The following PPFIA3 variants were observed in gnomAD, a reference collection of about 807,000 sequenced individuals.
PPFIA3 encodes the protein PPFI scaffold protein A3, also known as liprin-alpha-3.
A neutral mutation model predicts 145.8 loss-of-function variants in PPFIA3; 26 were observed. That is an observed-to-expected ratio of 0.18 (90% CI 0.13 to 0.25). The LOEUF (loss-of-function observed/expected upper bound fraction) is 0.25, where lower values mean the gene tolerates loss of function less well. Among genes scored for constraint, PPFIA3 ranks in the 10% least tolerant of loss-of-function variants. The pLI is 1.00. For missense variants in PPFIA3, 1,008 were observed against 1,587.8 expected, an observed-to-expected ratio of 0.63 and a Z score of 6.21; for synonymous variants, 645 against 661.4, an observed-to-expected ratio of 0.98 and a Z score of 0.38.
chr19:49,129,118 T>C (rs2041038622), intron 4 of PPFIA3, 106 bp downstream of exon 4: 1 of 1,264,546 alleles, frequency 7.9e-7, no homozygotes, highest in Admixed American at 2.6e-5. Context: ...ATGTTCTGAG[T>C]TGGAAGAATG....
chr19:49,136,749 G>A lies in PPFIA3; in HGVS notation c.1691G>A (p.Gly564Asp). ...GATTGGGAGCGGTCTGCCCCTGCGG[G>A]CTCCATACCACCCCCATTCCCTGGG... is the stretch of plus-strand genomic sequence containing the variant. ...SKDWERSAPA[G>D]SIPPPFPGEL... Residue 564 changes from glycine (G) to aspartate (D), a missense_variant, in exon 15 of 30, where the codon GGC becomes GAC. Physicochemically the swap from Gly to Asp is moderately conservative, Grantham distance 94. Coordinates refer to ENST00000334186, the MANE Select transcript of PPFIA3 (RefSeq NM_003660.4). 6.4e-7 allele frequency: 1 copy of A among 1,561,696 alleles called. No homozygotes were observed. Among genetic ancestry groups the A allele is most frequent in the East Asian group, 2.3e-5 (1 of 43,560 alleles).
rs1436077040 is a variant in PPFIA3 at position 49,120,311 on chromosome 19, C to G, written c.-16+589C>G. ...GCCGCGCCTTTGACCCGGGAATACC[C>G]GGGCCCTCCCCGACCAGGGCGCCCC... is the stretch of plus-strand genomic sequence containing the variant. On this transcript the variant is annotated intron_variant, in intron 1 of 29. Transcript: ENST00000334186. The surrounding 1 kb of genome is among the most constrained non-coding windows in gnomAD (Gnocchi z 4.6). Among the ~76,000 whole-genome samples, 2 of 152,166 alleles carry G rather than the reference C, an allele frequency of 1.3e-5. No individual in the cohort carries two copies. The highest frequency in any genetic ancestry group is 2.9e-5 in the Non-Finnish European group (2 of 68,014).
At chr19:49,138,505 C>A (rs932712525) in intron 16 of PPFIA3, 78 bp downstream of exon 16, 10 of 1,246,938 alleles carry the variant, frequency 8.0e-6, no homozygotes, top group Non-Finnish European at 9.6e-6. Flanking sequence ...TGTACAGCAA[C>A]AATAACCCCT....
At position 49,128,575 on chromosome 19, in the gene PPFIA3, C is replaced by A; in HGVS notation, c.342+107C>A. 9.3e-7 allele frequency: 1 copy of A among 1,078,822 alleles called. No individual in the cohort carries two copies. The highest frequency in any genetic ancestry group is 1.4e-6 in the Non-Finnish European group (1 of 733,150). 66.8% of individuals were successfully genotyped at this position (1,078,822 alleles called of 1,614,324 possible). On this transcript the variant is annotated intron_variant, in intron 3 of 29. Transcript: ENST00000334186. This position sits in a 1 kb window ranked among gnomAD's most constrained non-coding sequence, Gnocchi z 4.1. Reference sequence around the variant, plus strand: ...AGCGTGACCTATTTTTTTCCCCCATCTCGCCTTTCTGTCTTCTCCTCTTCC... The same window carrying A: ...AGCGTGACCTATTTTTTTCCCCCATATCGCCTTTCTGTCTTCTCCTCTTCC...
intron 23 of PPFIA3, chr19:49,146,485 TG>T: frequency 2.0e-6 from 1 of 487,998 alleles, no homozygotes; most frequent in Non-Finnish European, 3.7e-6. Flanking sequence ...CAGGAGAGAC[TG>T]AGCAGCCGGT....
Position 49,139,766 on chromosome 19 carries a change from G to A in PPFIA3, c.2175G>A (p.Glu725=), listed in dbSNP as rs372707985. ...PPPTPRSARL[E]RMTQALALQA... is the part of the protein sequence containing the mutation. ...CCACTCCCCGCTCTGCCCGTCTTGA[G>A]AGAATGACCCAGGCCTTGGCACTGC... Residue 725 remains glutamate (E), a synonymous_variant, in exon 17 of 30, where the codon GAG becomes GAA. Coordinates refer to ENST00000334186, the MANE Select transcript of PPFIA3 (RefSeq NM_003660.4). 4.3e-6 allele frequency: 7 copies of A among 1,614,052 alleles called. No individual in the cohort carries two copies. The African/African-American group carries it at 8.0e-5, about 18-fold the overall frequency.
At chr19:49,125,729 G>A (rs917616387) in intron 1 of PPFIA3, among the ~76,000 whole-genome samples, 2 of 152,080 alleles carry the variant, frequency 1.3e-5, no homozygotes, top group African/African-American at 4.8e-5. Flanking sequence ...TGTCTCTTAG[G>A]GGAGGAGAGG....
chr19:49,120,548 C>T lies in PPFIA3; in HGVS notation c.-16+826C>T, dbSNP rs2040924501. 1.3e-5 allele frequency among the ~76,000 whole-genome samples: 2 copies of T among 152,170 alleles called. No homozygotes were observed. The highest frequency in any genetic ancestry group is 4.1e-4 in the South Asian group (2 of 4,834). On this transcript the variant is annotated intron_variant, in intron 1 of 29. Coordinates refer to ENST00000334186, the MANE Select transcript of PPFIA3 (RefSeq NM_003660.4). This position sits in a 1 kb window ranked among gnomAD's most constrained non-coding sequence, Gnocchi z 4.6. ...TGGCCCCAGGTGGTAGCCCTCACCC[C>T]GTCAGCACCTAGGAATCCTGTTCCC...
intron 21 of PPFIA3, 123 bp from the exon 22 acceptor site, chr19:49,145,820 T>C (rs1235029176): frequency 2.4e-6 from 2 of 822,778 alleles, no homozygotes; most frequent in Non-Finnish European, 4.2e-6. Flanking sequence ...TCTCTGTTAC[T>C]GCTTGCCCCA....
chr19:49,145,896 C>T, intron 21 of PPFIA3, 47 bp from the exon 22 acceptor site: 3 of 1,565,938 alleles, frequency 1.9e-6, no homozygotes, highest in African/African-American at 1.4e-5. Context: ...TCCTCTCCCC[C>T]ACGCGAAGCC....
rs1213854011 is a variant in PPFIA3 at position 49,136,814 on chromosome 19, T to C, written c.1756T>C (p.Phe586Leu). Residue 586 changes from phenylalanine (F) to leucine (L), a missense_variant, in exon 15 of 30, where the codon TTT becomes CTT. Around this residue, in one of 11 missense-constraint regions of PPFIA3, gnomAD observed 121 missense variants for 138.2 expected, o/e 0.88. Coordinates refer to ENST00000334186, the MANE Select transcript of PPFIA3 (RefSeq NM_003660.4). ...CGATGAGGAGGAGGCAGAGGGGATGTTTGGGGCCGAGCTGCTGTCCCCCAG... is the reference window on the plus strand; with the variant it reads ...CGATGAGGAGGAGGCAGAGGGGATGCTTGGGGCCGAGCTGCTGTCCCCCAG... ...GSDEEEAEGMFGAELLSPSGQ... is the reference protein window; with the variant it reads ...GSDEEEAEGMLGAELLSPSGQ... 3 of 1,592,446 alleles carry C rather than the reference T, an allele frequency of 1.9e-6. No homozygotes were observed. The highest frequency in any genetic ancestry group is 1.3e-5 in the African/African-American group (1 of 74,680).
At chr19:49,146,424 AT>A (rs1320385551) in intron 23 of PPFIA3, 3 of 592,582 alleles carry the variant, frequency 5.1e-6, no homozygotes, top group Non-Finnish European at 8.9e-6. Context: ...TGCATGGACC[AT>A]TTCATCATCG....
At chr19:49,146,745 C>G (rs866722567) in intron 23 of PPFIA3, among the ~76,000 whole-genome samples, 1 of 152,126 alleles carries the variant, frequency 6.6e-6, no homozygotes, top group East Asian at 1.9e-4. Context: ...GTCTGGCCAA[C>G]ATGGTGAAAC....
intron 1 of PPFIA3, among the ~76,000 whole-genome samples, chr19:49,124,104 C>G (rs779749588): frequency 1.3e-5 from 2 of 151,814 alleles, no homozygotes; most frequent in African/African-American, 2.4e-5. Flanking sequence ...CAAGCAAACT[C>G]TTAGACACAT....
intron 29 of PPFIA3, 28 bp downstream of exon 29, chr19:49,150,179 G>C: frequency 6.4e-7 from 1 of 1,573,492 alleles, no homozygotes. Context: ...CGACCTTGGG[G>C]GTGCGGGGCG....
intron 4 of PPFIA3, 22 bp from the exon 5 acceptor site, chr19:49,129,358 G>A: frequency 1.3e-6 from 2 of 1,548,736 alleles, no homozygotes; most frequent in Non-Finnish European, 1.7e-6. Context: ...CCAGCTGACT[G>A]TTGCCCTGCC....
chr19:49,137,998 C>T (rs1454939275), intron 15 of PPFIA3, among the ~76,000 whole-genome samples: 1 of 152,164 alleles, frequency 6.6e-6, no homozygotes, highest in African/African-American at 2.4e-5. Context: ...CCTAATCCTG[C>T]AATGACTTCC....
At position 49,139,944 on chromosome 19, in the gene PPFIA3, C is replaced by G. The variant is rs1179892938; in HGVS notation, c.2241-17C>G. 2 of 1,614,112 alleles carry G rather than the reference C, an allele frequency of 1.2e-6. No individual in the cohort carries two copies. The highest frequency in any genetic ancestry group is 2.7e-5 in the African/African-American group (2 of 75,040). The stretch of plus-strand genomic sequence containing the variant: ...ATCTCAGCAAGCATATGCTCTCATT[C>G]TCTCCTGCTTTCCCAGTGAGGGCAC... On this transcript the variant is annotated splice_polypyrimidine_tract_variant and intron_variant, in intron 17 of 29. Transcript: ENST00000334186.
chr19:49,134,630 T>A lies in PPFIA3; in HGVS notation c.1378-9T>A. On this transcript the variant is annotated splice_polypyrimidine_tract_variant and intron_variant, in intron 11 of 29. Coordinates refer to ENST00000334186, the MANE Select transcript of PPFIA3 (RefSeq NM_003660.4). ...GCCTCACTCCCTCACTTCACCTCTG[T>A]CTCCACAGAACTCCCTGAGCGAGGA... is the stretch of plus-strand genomic sequence containing the variant. The A allele has an allele frequency of 6.2e-7, 1 of 1,613,280 alleles. No homozygotes were observed. The highest frequency in any genetic ancestry group is 8.5e-7 in the Non-Finnish European group (1 of 1,179,730).
Sources: gnomAD v4.1 joint callset for allele counts (sites outside exome capture counted in the v4.1 genomes callset) on GRCh38, gnomAD v4.1.1 for gene constraint, gnomAD v4.1.1 regional missense constraint, Gnocchi (gnomAD v3.1) non-coding constraint, MANE v1.5 for transcripts, NCBI Gene and HGNC (gene_info 2026-07-23, HGNC 2026-07-21) for gene names.